Variants in RFX7 observed in about 807,000 individuals in gnomAD.
RFX7 encodes the protein regulatory factor X7.
A neutral mutation model predicts 111.8 loss-of-function variants in RFX7; 26 were observed. The observed-to-expected ratio is 0.23, with a 90% CI of 0.17 to 0.32. The LOEUF is 0.32. Among genes scored for constraint, RFX7 ranks in the 10% least tolerant of loss-of-function variants. The probability of loss-of-function intolerance (pLI) is 1.00; values close to 1 mark genes in which losing one functional copy is unlikely to be tolerated. For missense variants in RFX7, 1,573 were observed against 1,772.9 expected, an observed-to-expected ratio of 0.89 and a Z score of 2.02; for synonymous variants, 624 against 624.4, an observed-to-expected ratio of 1.00 and a Z score of 0.01.
intron 5 of RFX7, among the ~76,000 whole-genome samples, chr15:56,107,296 C>CAAA (rs56077181): frequency 0.32 from 10,180 of 32,062 alleles, 2,942 homozygotes; most frequent in Non-Finnish European, 0.39. Flanking sequence ...GACTCCGTCT[C>CAAA]AAAAAAAAAA....
chr15:56,115,667 G>A (rs751760182), intron 5 of RFX7, among the ~76,000 whole-genome samples: 70 of 152,206 alleles, frequency 4.6e-4, no homozygotes, highest in East Asian at 1.7e-3. Context: ...GGCCCGGCAC[G>A]GTGGCTCAGG....
intron 5 of RFX7, among the ~76,000 whole-genome samples, chr15:56,134,729 A>T (rs1310287373): frequency 6.6e-6 from 1 of 151,128 alleles, no homozygotes; most frequent in Non-Finnish European, 1.5e-5. Flanking sequence ...CTAACTCGTC[A>T]TCTAGCATTA....
At chr15:56,228,504 A>T (rs2043510597) in intron 2 of RFX7, among the ~76,000 whole-genome samples, 1 of 152,148 alleles carries the variant, frequency 6.6e-6, no homozygotes, top group South Asian at 2.1e-4. Flanking sequence ...CTGGGAACTT[A>T]AAAAAACTAT....
chr15:56,179,232 T>C, intron 3 of RFX7, 38 bp downstream of exon 3: 1 of 1,046,702 alleles, frequency 9.6e-7, no homozygotes. Context: ...ATAAAAACCT[T>C]ATTGCAAAAG....
chr15:56,126,688 T>C (rs1163766735), intron 5 of RFX7, among the ~76,000 whole-genome samples: 1 of 152,090 alleles, frequency 6.6e-6, no homozygotes, highest in East Asian at 1.9e-4. Flanking sequence ...AAGACACAAA[T>C]AGGCTGTAAA....
chr15:56,124,713 C>T (rs1051316097), intron 5 of RFX7, among the ~76,000 whole-genome samples: 8 of 152,120 alleles, frequency 5.3e-5, no homozygotes, highest in Non-Finnish European at 7.3e-5. Context: ...TTTTTCTTTG[C>T]GGCTTAAATG....
At chr15:56,163,073 CA>C (rs1407756422) in intron 3 of RFX7, among the ~76,000 whole-genome samples, 2 of 151,962 alleles carry the variant, frequency 1.3e-5, no homozygotes, top group African/African-American at 4.8e-5. Flanking sequence ...ATAATGCAAA[CA>C]AAATTTTAGT....
intron 3 of RFX7, among the ~76,000 whole-genome samples, chr15:56,154,987 G>A (rs565163414): frequency 3.4e-4 from 51 of 152,172 alleles, no homozygotes; most frequent in African/African-American, 1.1e-3. Flanking sequence ...GACACTTCTC[G>A]AAAGAAGACA....
intron 3 of RFX7, among the ~76,000 whole-genome samples, chr15:56,149,897 G>C (rs893978415): frequency 6.6e-6 from 1 of 152,076 alleles, no homozygotes; most frequent in African/African-American, 2.4e-5. Context: ...TGAAGCCAGG[G>C]AGTCAAGTGG....
intron 2 of RFX7, among the ~76,000 whole-genome samples, chr15:56,215,330 T>C (rs1262390993): frequency 2.0e-5 from 3 of 152,244 alleles, no homozygotes. Context: ...GTTAAATCTA[T>C]TGTAGTCTGT....
In RFX7 at chr15:56,099,182, C is replaced by T. The variant is rs1263881182; in HGVS notation, c.812-806G>A. ...AGATCATTAGAAAGTAAGTTGTGGG[C>T]AGTAAAAACAATGAAGAGAAGAAAG... On this transcript the variant is annotated intron_variant, in intron 8 of 9. Transcript: ENST00000559447. Among the ~76,000 whole-genome samples the T allele has an allele frequency of 2.0e-5, 3 of 152,084 alleles. No individual in the cohort carries two copies. The East Asian group carries it at 5.8e-4, about 29-fold the overall frequency.
In RFX7 at chr15:56,179,745, C is replaced by G. The variant is rs1481041236; in HGVS notation, c.162-442G>C. Among the ~76,000 whole-genome samples the G allele has an allele frequency of 4.8e-5, 7 of 144,724 alleles. No individual in the cohort carries two copies. The East Asian group carries it at 1.4e-3, about 30-fold the overall frequency. 94.9% of individuals were successfully genotyped at this position (144,724 alleles called of 152,430 possible). ...TTTGATACATAAAAGATTCTGTTCC[C>G]TCCTCTCTCTGTCTCAACACACACA... On this transcript the variant is annotated intron_variant, in intron 2 of 9. Coordinates refer to ENST00000559447, the MANE Select transcript of RFX7 (RefSeq NM_022841.7).
In RFX7 at chr15:56,094,261, G is replaced by A. The variant is rs2041639807; in HGVS notation, c.3467C>T (p.Ser1156Leu). 2 of 1,613,954 alleles carry A rather than the reference G, an allele frequency of 1.2e-6. No homozygotes were observed. Among genetic ancestry groups the A allele is most frequent in the Non-Finnish European group, 1.7e-6 (2 of 1,179,876 alleles). The change falls in exon 10 of 10, where the codon TCA (serine) becomes TTA (leucine). Residue 1156 changes from serine (S) to leucine (L), a missense_variant. Ser to Leu is a moderately radical substitution (Grantham distance 145, BLOSUM62 -2). Coordinates refer to ENST00000559447, the MANE Select transcript of RFX7 (RefSeq NM_022841.7). Reference protein sequence around the residue: ...PAPLDNKGTNSSASSNFRCRS... With the variant: ...PAPLDNKGTNLSASSNFRCRS... ...GCATCTGAAGTTGCTGCTGGCAGAT[G>A]AATTAGTTCCTTTATTATCAAGAGG...
chr15:56,209,480 T>C (rs1292457624), intron 2 of RFX7, among the ~76,000 whole-genome samples: 2 of 151,942 alleles, frequency 1.3e-5, no homozygotes, highest in African/African-American at 2.4e-5. Flanking sequence ...TCTGTGTAAA[T>C]AAGGAAAAAG....
At chr15:56,118,311 C>T (rs1205196311) in intron 5 of RFX7, among the ~76,000 whole-genome samples, 1 of 151,952 alleles carries the variant, frequency 6.6e-6, no homozygotes, top group Non-Finnish European at 1.5e-5. Context: ...GTTTTTGTAT[C>T]CATCAACCAA....
chr15:56,195,172 T>C (rs1325116953), intron 2 of RFX7, among the ~76,000 whole-genome samples: 1 of 152,156 alleles, frequency 6.6e-6, no homozygotes, highest in Non-Finnish European at 1.5e-5. Flanking sequence ...GGTCACATAT[T>C]GTATGACTCC....
chr15:56,088,008 G>T lies in RFX7; in HGVS notation c.*5337C>A. ...GGGTATTTCTATGGAGAGAAGGGAG[G>T]GAAAAGGATTCAAGTAATTTGGAGG... is the stretch of plus-strand genomic sequence containing the variant. On this transcript the variant is annotated 3_prime_UTR_variant, in exon 10 of 10. Coordinates refer to ENST00000559447, the MANE Select transcript of RFX7 (RefSeq NM_022841.7). 2 of 314,710 alleles carry T rather than the reference G, an allele frequency of 6.4e-6. No homozygotes were observed. Among genetic ancestry groups the T allele is most frequent in the East Asian group, 1.1e-4 (1 of 9,438 alleles). 19.5% of individuals were successfully genotyped at this position (314,710 alleles called of 1,614,324 possible). A position where few individuals can be genotyped will look rare whatever the true frequency, so the allele number is the denominator to read the frequency against.
At position 56,095,028 on chromosome 15, in the gene RFX7, C is replaced by A. The variant is rs199811341; in HGVS notation, c.2700G>T (p.Met900Ile). 825 of 1,613,746 alleles carry A rather than the reference C, an allele frequency of 5.1e-4. 3 individuals carry two copies. The highest frequency in any genetic ancestry group is 2.1e-3 in the Middle Eastern group (13 of 6,080). ...AGTTGCCGTAAGAATGAGAATTGTT[C>A]ATTGACATTTGCTGCTCCATAAGCA... is the stretch of plus-strand genomic sequence containing the variant. ...ELVLMEQQMS[M>I]NNSHSYGNCL... Residue 900 changes from methionine to isoleucine, a missense_variant, in exon 10 of 10, where the codon ATG becomes ATT. By Grantham distance (10) the Met-to-Ile change is conservative (BLOSUM62 1). This residue lies in a region of RFX7 where 625 missense variants were observed against 632.2 expected (regional missense o/e 0.99). Transcript: ENST00000559447.
chr15:56,148,279 C>G lies in RFX7; in HGVS notation c.196-3796G>C, dbSNP rs552617044. ...TGGTTATTTCCAGCAAGTGAGCCGA[C>G]CTTGCATGTCATCATCCCATTTTCA... On this transcript the variant is annotated intron_variant, in intron 3 of 9. Coordinates refer to ENST00000559447, the MANE Select transcript of RFX7 (RefSeq NM_022841.7). Among the ~76,000 whole-genome samples the G allele has an allele frequency of 9.9e-5, 15 of 152,284 alleles. 1 individual carries two copies. The highest frequency in any genetic ancestry group is 3.4e-4 in the African/African-American group (14 of 41,570).
Sources: gnomAD v4.1 joint callset for allele counts (sites outside exome capture counted in the v4.1 genomes callset) on GRCh38, gnomAD v4.1.1 for gene constraint, gnomAD v4.1.1 regional missense constraint, MANE v1.5 for transcripts, NCBI Gene and HGNC (gene_info 2026-07-23, HGNC 2026-07-21) for gene names.